The following ALX1 variants were observed in gnomAD, a reference collection of about 807,000 sequenced individuals.
ALX1 encodes the protein ALX homeobox 1.
Under a neutral mutation model 31.7 loss-of-function variants are expected in ALX1, and 19 were observed. The ratio of observed to expected loss-of-function variants is 0.60; its 90% CI spans 0.42 to 0.88. The LOEUF is 0.88. Among genes scored for constraint, ALX1 ranks in the 40% least tolerant of loss-of-function variants. The pLI is 0.00. For missense variants in ALX1, 415 were observed against 407.8 expected (o/e 1.02, Z -0.15); for synonymous variants, 153 against 148.8 (o/e 1.03, Z -0.20).
intron 3 of ALX1, among the ~76,000 whole-genome samples, chr12:85,299,256 C>G (rs970813056): frequency 6.6e-6 from 1 of 151,028 alleles, no homozygotes; most frequent in East Asian, 2.0e-4. Flanking sequence ...AGAGGAAAAT[C>G]ACGCAGATGA....
At chr12:85,296,436 T>C (rs2137391500) in intron 3 of ALX1, among the ~76,000 whole-genome samples, 1 of 151,712 alleles carries the variant, frequency 6.6e-6, no homozygotes, top group South Asian at 2.1e-4. Flanking sequence ...ATAAAACTTT[T>C]CTCTAAAATT....
rs1273369108 is a variant in ALX1, at chr12:85,283,770, T to C, written c.425T>C (p.Leu142Ser). 1.2e-6 allele frequency: 2 copies of C among 1,614,116 alleles called. No individual in the cohort carries two copies. Among genetic ancestry groups the C allele is most frequent in the South Asian group, 2.2e-5 (2 of 91,076 alleles). ...AGGCACCGAACCACCTTCACCAGTT[T>C]GCAGCTAGAGGAGCTGGAGAAAGTC... Reference protein sequence around the residue: ...KRRHRTTFTSLQLEELEKVFQ... With the variant: ...KRRHRTTFTSSQLEELEKVFQ... Residue 142 changes from leucine (L) to serine (S), a missense_variant, in exon 2 of 4, where the codon TTG (leucine) becomes TCG (serine). Leu to Ser is a moderately radical substitution (Grantham distance 145). This residue lies in a region of ALX1 where 235 missense variants were observed against 208.9 expected (regional missense o/e 1.13). Coordinates refer to ENST00000316824, the MANE Select transcript of ALX1 (RefSeq NM_006982.3).
At chr12:85,289,818 G>A (rs913591914) in intron 3 of ALX1, among the ~76,000 whole-genome samples, 2 of 151,038 alleles carry the variant, frequency 1.3e-5, no homozygotes, top group African/African-American at 4.8e-5. Flanking sequence ...AAAAATAATT[G>A]GGCCAAGATC....
chr12:85,283,421 A>C (rs1427652977), intron 1 of ALX1, 151 bp from the exon 2 acceptor site: 1 of 790,676 alleles, frequency 1.3e-6, no homozygotes, highest in Non-Finnish European at 2.0e-6. Flanking sequence ...ACAATGAATT[A>C]AGTATAGAAA....
intron 3 of ALX1, among the ~76,000 whole-genome samples, chr12:85,287,456 T>A (rs1196930841): frequency 6.6e-6 from 1 of 151,066 alleles, no homozygotes; most frequent in Non-Finnish European, 1.5e-5. Flanking sequence ...TTTCTATGTT[T>A]TTTTTTTTTC....
intron 3 of ALX1, among the ~76,000 whole-genome samples, chr12:85,298,173 A>G (rs1428830294): frequency 1.3e-5 from 2 of 151,672 alleles, no homozygotes; most frequent in East Asian, 3.9e-4. Flanking sequence ...TTATTACAGC[A>G]TTTCTAAGGT....
intron 2 of ALX1, among the ~76,000 whole-genome samples, chr12:85,285,621 T>G (rs910207139): frequency 2.0e-5 from 3 of 151,882 alleles, no homozygotes; most frequent in Non-Finnish European, 4.4e-5. Context: ...TTAAACTGAG[T>G]ATTAATATGT....
chr12:85,298,958 C>T (rs78144649), intron 3 of ALX1, among the ~76,000 whole-genome samples: 2,323 of 151,426 alleles, frequency 0.015, 57 homozygotes, highest in African/African-American at 0.051. Flanking sequence ...TATAGGTTAC[C>T]TCCCTTGCCT....
At position 85,283,847 on chromosome 12, in the gene ALX1, A is replaced by G; in HGVS notation, c.502A>G (p.Arg168Gly). 1 of 1,614,118 alleles carries G rather than the reference A, an allele frequency of 6.2e-7. No individual in the cohort carries two copies. The part of the protein sequence containing the change: ...DVYVREQLAL[R>G]TELTEARVQV... ...GTATGTCAGAGAACAGCTTGCTCTG[A>G]GGACAGAGCTCACTGAGGCCAGGGT... The change falls in exon 2 of 4, where the codon AGG becomes GGG. Residue 168 changes from arginine (R) to glycine (G), a missense_variant. Physicochemically the swap from Arg to Gly is moderately radical, Grantham distance 125. Transcript: ENST00000316824.
At chr12:85,286,712 G>A (rs1896751879) in intron 2 of ALX1, 141 bp from the exon 3 acceptor site, 3 of 796,812 alleles carry the variant, frequency 3.8e-6, no homozygotes, top group Non-Finnish European at 5.7e-6. Flanking sequence ...AAAATCTGTG[G>A]ATCCTTTTCT....
At chr12:85,283,110 T>A (rs1896700081) in intron 1 of ALX1, among the ~76,000 whole-genome samples, 1 of 152,194 alleles carries the variant, frequency 6.6e-6, no homozygotes, top group Non-Finnish European at 1.5e-5. Flanking sequence ...GGATAATAAC[T>A]TTCAGATATT....
intron 3 of ALX1, among the ~76,000 whole-genome samples, chr12:85,299,485 G>T (rs1362735815): frequency 6.6e-6 from 1 of 151,260 alleles, no homozygotes; most frequent in Non-Finnish European, 1.5e-5. Flanking sequence ...TTTAGATATG[G>T]ATATGTAGAT....
At chr12:85,283,185 C>G (rs1896701256) in intron 1 of ALX1, among the ~76,000 whole-genome samples, 1 of 152,144 alleles carries the variant, frequency 6.6e-6, no homozygotes, top group Admixed American at 6.5e-5. Flanking sequence ...TTGGTTTTAT[C>G]TGCTGTGAAT....
At chr12:85,294,883 T>C (rs1314085520) in intron 3 of ALX1, among the ~76,000 whole-genome samples, 1 of 151,254 alleles carries the variant, frequency 6.6e-6, no homozygotes, top group African/African-American at 2.4e-5. Context: ...GTATTTAGTA[T>C]ATGATCTGTT....
At chr12:85,286,235 T>A (rs947660261) in intron 2 of ALX1, among the ~76,000 whole-genome samples, 4 of 151,932 alleles carry the variant, frequency 2.6e-5, no homozygotes, top group Non-Finnish European at 2.9e-5. Context: ...TTACCTATAA[T>A]TCTTGTCATG....
At chr12:85,300,791 A>C (rs1356768449) in intron 3 of ALX1, among the ~76,000 whole-genome samples, 1 of 152,140 alleles carries the variant, frequency 6.6e-6, no homozygotes, top group Non-Finnish European at 1.5e-5. Flanking sequence ...GACAAAAACT[A>C]TCTTTAAACT....
At chr12:85,287,093 T>G in intron 3 of ALX1, 112 bp downstream of exon 3, 3 of 1,300,722 alleles carry the variant, frequency 2.3e-6, no homozygotes, top group Non-Finnish European at 3.2e-6. Context: ...AGAATGAAAA[T>G]CTAAGCTTCA....
intron 1 of ALX1, among the ~76,000 whole-genome samples, chr12:85,281,572 T>C (rs974133896): frequency 1.3e-5 from 2 of 152,218 alleles, no homozygotes; most frequent in East Asian, 1.9e-4. Flanking sequence ...TCTAAATATT[T>C]TGAACACAAG....
At chr12:85,281,162 T>C (rs1896667445) in intron 1 of ALX1, among the ~76,000 whole-genome samples, 1 of 152,152 alleles carries the variant, frequency 6.6e-6, no homozygotes, top group African/African-American at 2.4e-5. Context: ...GGGCAAACCA[T>C]CCCCGGCCTA....
Sources: gnomAD v4.1 joint callset for allele counts (sites outside exome capture counted in the v4.1 genomes callset) on GRCh38, gnomAD v4.1.1 for gene constraint, gnomAD v4.1.1 regional missense constraint, MANE v1.5 for transcripts, NCBI Gene and HGNC (gene_info 2026-07-23, HGNC 2026-07-21) for gene names.